RPA3: variants seen among roughly 807,000 people sequenced by gnomAD.
RPA3 encodes replication protein A 14 kDa subunit.
RPA3 carries 24 observed loss-of-function variants against 13.7 expected under a neutral mutation model. That is an observed-to-expected ratio of 1.75 (90% CI 1.27 to 2.46). RPA3 has a LOEUF of 2.46. Ranked by LOEUF, RPA3 falls within the 30% of genes most tolerant of loss-of-function variation. The pLI is 0.00. For synonymous variants in RPA3, 59 were observed against 51.2 expected (o/e 1.15, Z -0.65); for missense variants, 183 against 151.0 (o/e 1.21, Z -1.11).
intron 4 of RPA3, among the ~76,000 whole-genome samples, chr7:7,644,344 TCATTC>T (rs1785047139): frequency 6.8e-6 from 1 of 147,422 alleles, no homozygotes; most frequent in Non-Finnish European, 1.5e-5. Flanking sequence ...TTTCCTTCCT[TCATTC>T]CATCCTTTTT....
chr7:7,696,407 A>G (rs1470089536), intron 2 of RPA3, among the ~76,000 whole-genome samples: 3 of 152,132 alleles, frequency 2.0e-5, no homozygotes, highest in Non-Finnish European at 4.4e-5. Context: ...ATAAAATTCT[A>G]ATTTTCTATA....
intron 2 of RPA3, among the ~76,000 whole-genome samples, chr7:7,701,237 C>CTG (rs139747087): frequency 0.076 from 11,629 of 152,236 alleles, 576 homozygotes; most frequent in Admixed American, 0.098. Context: ...TCCTCTCTAA[C>CTG]TGTGGGGCTT....
chr7:7,694,378 G>A (rs7791543), intron 2 of RPA3, among the ~76,000 whole-genome samples: 12,525 of 151,924 alleles, frequency 0.082, 589 homozygotes, highest in Middle Eastern at 0.12. Flanking sequence ...TGTGATACAG[G>A]CACTCCAATT....
At chr7:7,666,919 C>T (rs760557267) in intron 4 of RPA3, among the ~76,000 whole-genome samples, 1 of 152,278 alleles carries the variant, frequency 6.6e-6, no homozygotes, top group South Asian at 2.1e-4. Flanking sequence ...AATTCTCCTG[C>T]CTCTCAGCCT....
intron 4 of RPA3, among the ~76,000 whole-genome samples, chr7:7,681,197 G>C (rs1464731038): frequency 1.3e-5 from 2 of 152,096 alleles, no homozygotes; most frequent in African/African-American, 4.8e-5. Flanking sequence ...AGAAAGGTCA[G>C]AGTAAATTAT....
chr7:7,694,997 C>G (rs80223012), intron 2 of RPA3, among the ~76,000 whole-genome samples: 1 of 152,172 alleles, frequency 6.6e-6, no homozygotes, highest in South Asian at 2.1e-4. Flanking sequence ...AATTTACATT[C>G]CCACCAACAG....
At chr7:7,653,316 A>G (rs566699848) in intron 4 of RPA3, among the ~76,000 whole-genome samples, 35 of 152,342 alleles carry the variant, frequency 2.3e-4, no homozygotes, top group African/African-American at 8.2e-4. Flanking sequence ...AGATGACTCA[A>G]GATGACACTA....
chr7:7,673,464 T>G (rs1414375858), intron 4 of RPA3: 3 of 783,800 alleles, frequency 3.8e-6, no homozygotes, highest in Non-Finnish European at 6.5e-6. Flanking sequence ...GTGAGTCTTT[T>G]TAAGAAACAA....
chr7:7,706,629 C>T (rs550628956), intron 2 of RPA3, among the ~76,000 whole-genome samples: 1 of 152,034 alleles, frequency 6.6e-6, no homozygotes, highest in African/African-American at 2.4e-5. Context: ...ATGAAGATAA[C>T]TAATAATAAC....
intron 4 of RPA3, chr7:7,673,291 G>A: frequency 8.5e-7 from 1 of 1,170,336 alleles, no homozygotes. Context: ...TTGACATTGT[G>A]TAATGTTTCT....
intron 2 of RPA3, among the ~76,000 whole-genome samples, chr7:7,703,083 A>G (rs1439087793): frequency 6.6e-6 from 1 of 152,156 alleles, no homozygotes; most frequent in Non-Finnish European, 1.5e-5. Context: ...TGCTTTTTAG[A>G]ACTTCCTTGC....
chr7:7,695,775 G>A lies in RPA3; in HGVS notation c.-1027-8447C>T, dbSNP rs545458514. On this transcript the variant is annotated intron_variant, in intron 2 of 7. Coordinates refer to ENST00000223129, the MANE Select transcript of RPA3 (RefSeq NM_002947.5). ...TGTATGTTGGGAATTATCTGTCAATGTGTCACCTTTAGGTTCTTTATTTTT... is the reference window on the plus strand; with the variant it reads ...TGTATGTTGGGAATTATCTGTCAATATGTCACCTTTAGGTTCTTTATTTTT... 1.8e-4 allele frequency among the ~76,000 whole-genome samples: 27 copies of A among 152,292 alleles called. No individual in the cohort carries two copies. The South Asian group carries it at 5.6e-3, about 32-fold the overall frequency.
At chr7:7,718,170 A>G (rs1189353409) in intron 1 of RPA3, among the ~76,000 whole-genome samples, 1 of 152,242 alleles carries the variant, frequency 6.6e-6, no homozygotes, top group Non-Finnish European at 1.5e-5. Flanking sequence ...AAGAAATTGC[A>G]GAACTTGAGT....
intron 4 of RPA3, among the ~76,000 whole-genome samples, chr7:7,646,728 T>C (rs913478700): frequency 5.3e-5 from 8 of 151,928 alleles, no homozygotes; most frequent in African/African-American, 1.9e-4. Flanking sequence ...AGTTCGGCTG[T>C]CCCATGGCCA....
At chr7:7,718,333 A>C (rs1780969402) in intron 1 of RPA3, among the ~76,000 whole-genome samples, 182 bp downstream of exon 1, 1 of 152,250 alleles carries the variant, frequency 6.6e-6, no homozygotes, top group Non-Finnish European at 1.5e-5. Flanking sequence ...TACTGTATGC[A>C]TAGTGAGGGC....
chr7:7,699,053 G>GT (rs1563133950), intron 2 of RPA3, among the ~76,000 whole-genome samples: 1 of 150,684 alleles, frequency 6.6e-6, no homozygotes, highest in African/African-American at 2.4e-5. Context: ...TGTGTGTGGG[G>GT]GGGGGGTAGA....
chr7:7,698,227 G>A (rs1429679482), intron 2 of RPA3, among the ~76,000 whole-genome samples: 1 of 152,204 alleles, frequency 6.6e-6, no homozygotes, highest in African/African-American at 2.4e-5. Flanking sequence ...ATGAAATTTA[G>A]TAAGATATAG....
intron 4 of RPA3, among the ~76,000 whole-genome samples, chr7:7,676,485 A>G (rs1458427905): frequency 6.6e-6 from 1 of 152,150 alleles, no homozygotes; most frequent in African/African-American, 2.4e-5. Context: ...ATCTTTTTGT[A>G]AAAAAAGTTA....
chr7:7,655,173 CT>C (rs1189576711), intron 4 of RPA3, among the ~76,000 whole-genome samples: 1 of 152,062 alleles, frequency 6.6e-6, no homozygotes, highest in African/African-American at 2.4e-5. Context: ...AATGATGCCT[CT>C]GGCCTGCTCT....
Sources: gnomAD v4.1 joint callset for allele counts (sites outside exome capture counted in the v4.1 genomes callset) on GRCh38, gnomAD v4.1.1 for gene constraint, MANE v1.5 for transcripts, NCBI Gene and HGNC (gene_info 2026-07-23, HGNC 2026-07-21) for gene names.